ROBO1: variants seen among roughly 807,000 people sequenced by gnomAD.
ROBO1 encodes roundabout homolog 1.
In ROBO1, 149 loss-of-function variants were observed where a neutral mutation model predicts 195.9. The ratio of observed to expected loss-of-function variants is 0.76; its 90% CI spans 0.67 to 0.87. The LOEUF (loss-of-function observed/expected upper bound fraction) is 0.87, where lower values mean the gene tolerates loss of function less well. Ranked by LOEUF, ROBO1 falls within the 40% of genes least tolerant of loss-of-function variation. The pLI is 0.00. For missense variants in ROBO1, 1,933 were observed against 2,068.3 expected (o/e 0.93, Z 1.27); for synonymous variants, 816 against 733.2 (o/e 1.11, Z -1.82).
intron 1 of ROBO1, among the ~76,000 whole-genome samples, chr3:79,733,486 C>A (rs924812344): frequency 1.3e-5 from 2 of 152,160 alleles, no homozygotes; most frequent in Admixed American, 1.3e-4. Context: ...ATACTTATCT[C>A]TCCTTTTTAC....
chr3:79,405,516 C>G lies in ROBO1; in HGVS notation c.88+184308G>C, dbSNP rs143992854. ...TCTGTATTACACTGTGAGCTTCAGG[C>G]TGTATTTTAGTGTATCTTGGTTACT... On this transcript the variant is annotated intron_variant, in intron 2 of 30. Transcript: ENST00000464233. 2.6e-5 allele frequency among the ~76,000 whole-genome samples: 4 copies of G among 152,234 alleles called. No individual in the cohort carries two copies. In the East Asian group the frequency reaches 7.7e-4, roughly 29 times the overall value.
At chr3:79,003,305 G>A (rs972765873) in intron 3 of ROBO1, among the ~76,000 whole-genome samples, 1 of 152,006 alleles carries the variant, frequency 6.6e-6, no homozygotes, top group East Asian at 1.9e-4. Flanking sequence ...TCACCGGGAG[G>A]GGAGATTAAA....
intron 27 of ROBO1, among the ~76,000 whole-genome samples, chr3:78,615,556 C>T (rs1383266920): frequency 6.6e-6 from 1 of 152,106 alleles, no homozygotes; most frequent in East Asian, 1.9e-4. Context: ...TCTCTGGTGC[C>T]TTACATAGAT....
chr3:79,183,734 A>C (rs529526786), intron 2 of ROBO1, among the ~76,000 whole-genome samples: 46 of 152,360 alleles, frequency 3.0e-4, no homozygotes, highest in African/African-American at 1.1e-3. Flanking sequence ...TATTGCCCCC[A>C]GGGCTATCCA....
At chr3:79,661,981 C>G (rs550890477) in intron 1 of ROBO1, among the ~76,000 whole-genome samples, 1 of 151,950 alleles carries the variant, frequency 6.6e-6, no homozygotes, top group Non-Finnish European at 1.5e-5. Flanking sequence ...TCTCTGAAAA[C>G]TGTTAAAATT....
At position 79,661,227 on chromosome 3, in the gene ROBO1, C is replaced by G. The variant is rs144075700; in HGVS notation, c.-50-71266G>C. Among the ~76,000 whole-genome samples the G allele has an allele frequency of 5.7e-3, 865 of 152,150 alleles. 6 individuals are homozygous for G. Among genetic ancestry groups the G allele is most frequent in the African/African-American group, 0.018 (751 of 41,538 alleles). ...GAGATCCACTCCATGGTAGATCATG[C>G]ACATTCTTGGAGTGGCCCAAATCAA... On this transcript the variant is annotated intron_variant, in intron 1 of 30. Coordinates refer to ENST00000464233, the MANE Select transcript of ROBO1 (RefSeq NM_002941.4).
intron 2 of ROBO1, chr3:79,526,607 G>C (rs1490356298): frequency 6.6e-6 from 1 of 152,124 alleles, no homozygotes; most frequent in Non-Finnish European, 1.5e-5. Flanking sequence ...AGAGAGAATG[G>C]CTTATTTACA....
chr3:79,652,842 A>G (rs144950794), intron 1 of ROBO1, among the ~76,000 whole-genome samples: 5 of 152,164 alleles, frequency 3.3e-5, no homozygotes, highest in African/African-American at 1.2e-4. Flanking sequence ...TGTTTTCTAA[A>G]TTAGAAATTC....
rs2037281765 is a variant in ROBO1, at chr3:79,399,467, T to G, written c.88+190357A>C. Among the ~76,000 whole-genome samples, 3 of 152,282 alleles carry G rather than the reference T, an allele frequency of 2.0e-5. No individual in the cohort carries two copies. The South Asian group carries it at 6.2e-4, about 32-fold the overall frequency. Reference sequence around the variant, plus strand: ...TTACTGTGCCCACTCTTTGGAACACTTTTCCTCTGATTCCTCTGATATATC... The same window carrying G: ...TTACTGTGCCCACTCTTTGGAACACGTTTCCTCTGATTCCTCTGATATATC... On this transcript the variant is annotated intron_variant, in intron 2 of 30. Coordinates refer to ENST00000464233, the MANE Select transcript of ROBO1 (RefSeq NM_002941.4).
chr3:78,618,548 A>C (rs142440391), intron 26 of ROBO1, among the ~76,000 whole-genome samples: 6 of 152,112 alleles, frequency 3.9e-5, no homozygotes, highest in Non-Finnish European at 4.4e-5. Flanking sequence ...GTAAAATTTC[A>C]TAAGATTTAA....
At chr3:79,441,009 C>T (rs1050343057) in intron 2 of ROBO1, among the ~76,000 whole-genome samples, 28 of 152,112 alleles carry the variant, frequency 1.8e-4, no homozygotes, top group African/African-American at 1.4e-4. Context: ...GTTTGACATA[C>T]GGAGCAATTC....
chr3:78,711,367 CT>C (rs771641642), intron 8 of ROBO1, among the ~76,000 whole-genome samples: 2 of 32,088 alleles, frequency 6.2e-5, no homozygotes, highest in Admixed American at 3.1e-4. Context: ...TCCTTCCTTC[CT>C]TCCTTCCTTC....
At chr3:79,143,994 C>T (rs1326303494) in intron 2 of ROBO1, among the ~76,000 whole-genome samples, 1 of 151,684 alleles carries the variant, frequency 6.6e-6, no homozygotes, top group Non-Finnish European at 1.5e-5. Flanking sequence ...CTTAATTCTC[C>T]AAAGATTTTC....
At chr3:79,735,309 A>G (rs913592929) in intron 1 of ROBO1, among the ~76,000 whole-genome samples, 1 of 152,212 alleles carries the variant, frequency 6.6e-6, no homozygotes, top group South Asian at 2.1e-4. Context: ...AATTTCATCT[A>G]GAGTGTGTCT....
intron 25 of ROBO1, among the ~76,000 whole-genome samples, chr3:78,630,476 A>G (rs1409354234): frequency 6.6e-6 from 1 of 152,202 alleles, no homozygotes; most frequent in Non-Finnish European, 1.5e-5. Context: ...ATGTCTTTAC[A>G]GCAGTCACAG....
At position 78,617,903 on chromosome 3, in the gene ROBO1, T is replaced by G; in HGVS notation, c.4014A>C (p.Val1338=). 6.2e-7 allele frequency: 1 copy of G among 1,614,026 alleles called. No individual in the cohort carries two copies. Among genetic ancestry groups the G allele is most frequent in the Non-Finnish European group, 8.5e-7 (1 of 1,179,884 alleles). The stretch of plus-strand genomic sequence containing the variant: ...AAAGCCTTCTGGTTTGCATCTTGGC[T>G]ACCTCCATGTCGGCTTCGTCTTCTT... ...EEEEDEADME[V]AKMQTRRLLL... The change falls in exon 27 of 31, where the codon GTA becomes GTC. Residue 1338 remains valine (V), a synonymous_variant. Coordinates refer to ENST00000464233, the MANE Select transcript of ROBO1 (RefSeq NM_002941.4).
At chr3:78,630,662 T>C (rs948203531) in intron 25 of ROBO1, among the ~76,000 whole-genome samples, 1 of 152,210 alleles carries the variant, frequency 6.6e-6, no homozygotes, top group South Asian at 2.1e-4. Flanking sequence ...CTAATTGCTA[T>C]CATGTGGATT....
intron 2 of ROBO1, among the ~76,000 whole-genome samples, chr3:79,451,109 A>G (rs2039429596): frequency 6.6e-6 from 1 of 152,004 alleles, no homozygotes; most frequent in Non-Finnish European, 1.5e-5. Flanking sequence ...TTTACCGTAG[A>G]CTTAAAATGA....
chr3:79,695,310 A>G (rs112018225), intron 1 of ROBO1, among the ~76,000 whole-genome samples: 1 of 151,688 alleles, frequency 6.6e-6, no homozygotes, highest in African/African-American at 2.4e-5. Flanking sequence ...TTGTACAAAG[A>G]ATCTACTCTC....
Sources: allele counts gnomAD v4.1 joint callset (sites outside exome capture counted in the v4.1 genomes callset), GRCh38; gene constraint gnomAD v4.1.1; transcripts MANE v1.5; gene names NCBI Gene and HGNC (gene_info 2026-07-23, HGNC 2026-07-21).